The following RASGEF1A variants were observed in gnomAD, a reference collection of about 807,000 sequenced individuals.
The protein encoded by RASGEF1A is RasGEF domain family member 1A, also known as ras-GEF domain-containing family member 1A.
In RASGEF1A, 18 loss-of-function variants were observed where a neutral mutation model predicts 56.4. The observed-to-expected ratio is 0.32, with a 90% CI of 0.22 to 0.47. The LOEUF (loss-of-function observed/expected upper bound fraction) is 0.47. RASGEF1A is among the 20% of genes least tolerant of loss of function. The probability of loss-of-function intolerance (pLI) is 1.00; values close to 1 mark genes in which losing one functional copy is unlikely to be tolerated. For synonymous variants in RASGEF1A, 245 were observed against 242.6 expected, an observed-to-expected ratio of 1.01 and a Z score of -0.09; for missense variants, 422 against 627.1, an observed-to-expected ratio of 0.67 and a Z score of 3.49.
intron 1 of RASGEF1A, among the ~76,000 whole-genome samples, chr10:43,246,113 T>C (rs1317055078): frequency 6.6e-6 from 1 of 152,196 alleles, no homozygotes; most frequent in Non-Finnish European, 1.5e-5. Flanking sequence ...ATTGTAATTC[T>C]ATATGGTAGT....
At chr10:43,239,911 AC>A (rs1840481270) in intron 1 of RASGEF1A, among the ~76,000 whole-genome samples, 1 of 147,808 alleles carries the variant, frequency 6.8e-6, no homozygotes, top group Admixed American at 6.8e-5. Context: ...CAATAGACTA[AC>A]CAGAAAGCTT....
chr10:43,215,934 G>A (rs58070478), intron 1 of RASGEF1A, among the ~76,000 whole-genome samples: 1 of 152,220 alleles, frequency 6.6e-6, no homozygotes, highest in African/African-American at 2.4e-5. Context: ...CCGACTGGAA[G>A]GAGCTTCTGG....
At chr10:43,202,008 T>G (rs1389305398) in intron 3 of RASGEF1A, 63 bp from the exon 4 acceptor site, 7 of 1,475,130 alleles carry the variant, frequency 4.7e-6, no homozygotes, top group Non-Finnish European at 4.6e-6. Flanking sequence ...AGATGGCAAA[T>G]GGTGCAAGCT....
chr10:43,250,401 GTC>G (rs1840614774), intron 1 of RASGEF1A, among the ~76,000 whole-genome samples: 4 of 152,228 alleles, frequency 2.6e-5, no homozygotes, highest in Non-Finnish European at 4.4e-5. Context: ...GGACACAGTC[GTC>G]CCAGCTGACC....
At chr10:43,210,503 C>T (rs1002925038) in intron 1 of RASGEF1A, among the ~76,000 whole-genome samples, 2 of 152,158 alleles carry the variant, frequency 1.3e-5, no homozygotes, top group African/African-American at 2.4e-5. Context: ...CAGGGCAGGC[C>T]CTCAGCTGTA....
chr10:43,260,880 T>C (rs1323639968), intron 1 of RASGEF1A, among the ~76,000 whole-genome samples: 3 of 152,284 alleles, frequency 2.0e-5, no homozygotes, highest in Admixed American at 1.3e-4. Context: ...ATTTTCTAAA[T>C]ATACAACTCT....
intron 1 of RASGEF1A, among the ~76,000 whole-genome samples, chr10:43,226,203 A>G (rs1840278217): frequency 6.6e-6 from 1 of 152,220 alleles, no homozygotes; most frequent in Non-Finnish European, 1.5e-5. Flanking sequence ...GCACTTTGGG[A>G]AGCCAAAGCG....
At chr10:43,206,293 G>A (rs1461080046) in intron 1 of RASGEF1A, among the ~76,000 whole-genome samples, 171 bp from the exon 2 acceptor site, 1 of 152,198 alleles carries the variant, frequency 6.6e-6, no homozygotes, top group African/African-American at 2.4e-5. Flanking sequence ...CGGGCTCCTT[G>A]GTGGTCCCCC....
intron 1 of RASGEF1A, among the ~76,000 whole-genome samples, chr10:43,214,481 G>C (rs1337445056): frequency 6.6e-6 from 1 of 152,182 alleles, no homozygotes; most frequent in Non-Finnish European, 1.5e-5. Context: ...GAGCACAACT[G>C]TCCAGCTCCC....
At chr10:43,234,474 A>G (rs1840407671) in intron 1 of RASGEF1A, among the ~76,000 whole-genome samples, 1 of 152,168 alleles carries the variant, frequency 6.6e-6, no homozygotes, top group African/African-American at 2.4e-5. Context: ...AGGTGGCCTG[A>G]GGCAGGTGAC....
At chr10:43,245,323 C>T (rs140248041) in intron 1 of RASGEF1A, among the ~76,000 whole-genome samples, 261 of 152,168 alleles carry the variant, frequency 1.7e-3, no homozygotes, top group African/African-American at 5.9e-3. Flanking sequence ...AAGCCCAGGG[C>T]CAAAGTCACT....
chr10:43,251,630 G>A lies in RASGEF1A; in HGVS notation c.-7+15215C>T, dbSNP rs376388562. Among the ~76,000 whole-genome samples the A allele has an allele frequency of 6.2e-4, 95 of 152,292 alleles. 1 individual carries two copies. The highest frequency in any genetic ancestry group is 3.4e-3 in the Middle Eastern group (1 of 294). ...CACCTCACCTCCAGACGCAGTCAGGGGTGGCACAGTCCTGTTAATTGCGAG... is the reference window on the plus strand; with the variant it reads ...CACCTCACCTCCAGACGCAGTCAGGAGTGGCACAGTCCTGTTAATTGCGAG... On this transcript the variant is annotated intron_variant, in intron 1 of 12. Transcript: ENST00000395810.
intron 1 of RASGEF1A, among the ~76,000 whole-genome samples, chr10:43,216,341 C>T (rs558595411): frequency 6.6e-6 from 1 of 152,306 alleles, no homozygotes; most frequent in African/African-American, 2.4e-5. Flanking sequence ...GAATGAGGCT[C>T]CCCTCCCCAG....
chr10:43,254,688 G>A (rs1018328173), intron 1 of RASGEF1A, among the ~76,000 whole-genome samples: 5 of 152,324 alleles, frequency 3.3e-5, no homozygotes, highest in African/African-American at 4.8e-5. Flanking sequence ...CCCTGAGCAA[G>A]TCTCTGTGGT....
At chr10:43,228,051 C>A (rs775357359) in intron 1 of RASGEF1A, among the ~76,000 whole-genome samples, 2 of 152,114 alleles carry the variant, frequency 1.3e-5, no homozygotes, top group Non-Finnish European at 2.9e-5. Context: ...CCACGGGGAG[C>A]ACATCCTGCT....
intron 1 of RASGEF1A, among the ~76,000 whole-genome samples, chr10:43,242,489 T>A (rs1588948115): frequency 6.6e-6 from 1 of 151,530 alleles, no homozygotes; most frequent in African/African-American, 2.4e-5. Context: ...TAAAAAAAAA[T>A]CGCTCCCTCT....
At chr10:43,238,962 TAGTC>T (rs1187164940) in intron 1 of RASGEF1A, among the ~76,000 whole-genome samples, 1 of 152,240 alleles carries the variant, frequency 6.6e-6, no homozygotes, top group African/African-American at 2.4e-5. Context: ...GTTTCTTTCT[TAGTC>T]ATTCACAGAA....
intron 2 of RASGEF1A, 135 bp from the exon 3 acceptor site, chr10:43,203,555 G>T: frequency 2.9e-6 from 4 of 1,368,652 alleles, no homozygotes; most frequent in Non-Finnish European, 2.9e-6. Flanking sequence ...TCACCTGCCC[G>T]GTTCCCTTCG....
intron 1 of RASGEF1A, among the ~76,000 whole-genome samples, chr10:43,222,479 C>T (rs1207525140): frequency 6.6e-6 from 1 of 152,214 alleles, no homozygotes; most frequent in Non-Finnish European, 1.5e-5. Flanking sequence ...CAGTCAGTCA[C>T]ACCCACATAA....
Sources: gnomAD v4.1 joint callset for allele counts (sites outside exome capture counted in the v4.1 genomes callset) on GRCh38, gnomAD v4.1.1 for gene constraint, MANE v1.5 for transcripts, NCBI Gene and HGNC (gene_info 2026-07-23, HGNC 2026-07-21) for gene names.